ABI3BP: variants seen among roughly 807,000 people sequenced by gnomAD.
ABI3BP encodes the protein target of Nesh-SH3.
Under a neutral mutation model 268.6 loss-of-function variants are expected in ABI3BP, and 216 were observed. The ratio of observed to expected loss-of-function variants is 0.80; its 90% CI spans 0.72 to 0.90. The LOEUF (loss-of-function observed/expected upper bound fraction) is 0.90, where lower values mean the gene tolerates loss of function less well. ABI3BP is among the 40% of genes least tolerant of loss of function. The probability of loss-of-function intolerance (pLI) is 0.00; values close to 1 mark genes in which losing one functional copy is unlikely to be tolerated. For synonymous variants in ABI3BP, 730 were observed against 730.0 expected (o/e 1.00, Z 0.00); for missense variants, 2,090 against 2,182.4 (o/e 0.96, Z 0.84).
intron 66 of ABI3BP, among the ~76,000 whole-genome samples, chr3:100,752,080 G>A (rs2095363073): frequency 6.6e-6 from 1 of 152,144 alleles, no homozygotes. Context: ...CCTTTGTGTG[G>A]TTAGTTCCTT....
Position 100,794,839 on chromosome 3 carries a change from T to A in ABI3BP, c.3946+84A>T. On this transcript the variant is annotated intron_variant, in intron 54 of 67. Transcript: ENST00000471714. ...AATAACCTATTATTTAGAAAAAATCTGTGAACATAATGTATTATGGTTACT... is the reference window on the plus strand; with the variant it reads ...AATAACCTATTATTTAGAAAAAATCAGTGAACATAATGTATTATGGTTACT... The A allele has an allele frequency of 3.1e-6, 3 of 979,360 alleles. No homozygotes were observed. The South Asian group carries it at 4.5e-5, about 15-fold the overall frequency. 60.7% of individuals were successfully genotyped at this position (979,360 alleles called of 1,614,324 possible). A position where few individuals can be genotyped will look rare whatever the true frequency, so the allele number is the denominator to read the frequency against.
Position 100,923,057 on chromosome 3 carries a change from T to C in ABI3BP, c.259+3245A>G, listed in dbSNP as rs1583512375. ...GGAAATATGTACGAGGAATGTTTTTTCATTTCCACTAGAATACTAGAAGAG... is the reference window on the plus strand; with the variant it reads ...GGAAATATGTACGAGGAATGTTTTTCCATTTCCACTAGAATACTAGAAGAG... On this transcript the variant is annotated intron_variant, in intron 2 of 67. Transcript: ENST00000471714. Among the ~76,000 whole-genome samples, 4 of 152,232 alleles carry C rather than the reference T, an allele frequency of 2.6e-5. No individual in the cohort carries two copies. The South Asian group carries it at 8.3e-4, about 32-fold the overall frequency.
intron 6 of ABI3BP, among the ~76,000 whole-genome samples, chr3:100,877,233 TGCTAA>T (rs2099169363): frequency 6.6e-6 from 1 of 152,202 alleles, no homozygotes; most frequent in Admixed American, 6.6e-5. Flanking sequence ...CTCAAAAAGA[TGCTAA>T]GCTACCTATT....
chr3:100,848,337 T>C (rs2098798347), intron 18 of ABI3BP, among the ~76,000 whole-genome samples: 1 of 152,248 alleles, frequency 6.6e-6, no homozygotes, highest in African/African-American at 2.4e-5. Context: ...TCTAGGTTTT[T>C]ACCAAAATTC....
chr3:100,813,506 C>T (rs1022015721), intron 45 of ABI3BP, among the ~76,000 whole-genome samples, 155 bp downstream of exon 45: 1 of 152,036 alleles, frequency 6.6e-6, no homozygotes, highest in Non-Finnish European at 1.5e-5. Flanking sequence ...ACTAATTTAA[C>T]AATATGGAAT....
intron 1 of ABI3BP, among the ~76,000 whole-genome samples, chr3:100,963,041 C>T (rs2079714251): frequency 6.6e-6 from 1 of 152,174 alleles, no homozygotes; most frequent in Non-Finnish European, 1.5e-5. Flanking sequence ...AACCATCACT[C>T]ATGTAGTGAT....
chr3:100,750,405 G>T lies in ABI3BP; in HGVS notation c.*90C>A. ...ATTAGATTGTAGACTTTTATACATA[G>T]TAAACAAAATAGCTTTAAATGAATG... On this transcript the variant is annotated 3_prime_UTR_variant, in exon 68 of 68. Transcript: ENST00000471714. The T allele has an allele frequency of 1.0e-6, 1 of 986,964 alleles. No homozygotes were observed. The highest frequency in any genetic ancestry group is 1.5e-6 in the Non-Finnish European group (1 of 649,488). 61.1% of individuals were successfully genotyped at this position (986,964 alleles called of 1,614,324 possible).
intron 21 of ABI3BP, among the ~76,000 whole-genome samples, chr3:100,841,194 CTTTTTTTTTTTTTTTTTT>C (rs60261694): frequency 2.5e-5 from 1 of 39,606 alleles, no homozygotes; most frequent in Non-Finnish European, 4.3e-5. Flanking sequence ...CATTAGAACA[CTTTTTTTTTTTTTTTTTT>C]TTTTTTTTTT....
In ABI3BP at chr3:100,885,579, AC is replaced by A. The variant is rs1480343084; in HGVS notation, c.652del (p.Val218Ter). Reference sequence around the variant, plus strand: ...ATAGGTACTTTGGATTTTCCCATTTACTTTTTTACCTGATGAAACAAGGGAA... The same window carrying A: ...ATAGGTACTTTGGATTTTCCCATTTATTTTTTACCTGATGAAACAAGGGAA... ...NHKTVVGSKK[V>X]NGKIQSTYDQ... On this transcript the variant is annotated frameshift_variant, in exon 6 of 68. Transcript: ENST00000471714. LOFTEE classifies it high-confidence loss of function. The A allele has an allele frequency of 6.4e-7, 1 of 1,554,124 alleles. No individual in the cohort carries two copies. The highest frequency in any genetic ancestry group is 8.7e-7 in the Non-Finnish European group (1 of 1,143,504).
chr3:100,772,029 T>C (rs1319757377), intron 61 of ABI3BP, among the ~76,000 whole-genome samples: 4 of 152,146 alleles, frequency 2.6e-5, no homozygotes, highest in Non-Finnish European at 5.9e-5. Context: ...ACATGTTGTA[T>C]ACAGAACAAC....
chr3:100,896,086 G>A (rs1452926965), intron 4 of ABI3BP, among the ~76,000 whole-genome samples: 1 of 152,060 alleles, frequency 6.6e-6, no homozygotes, highest in Non-Finnish European at 1.5e-5. Context: ...TCCCTACTTT[G>A]GTCAAGAATA....
chr3:100,876,482 C>A, intron 7 of ABI3BP, 30 bp downstream of exon 7: 1 of 1,595,548 alleles, frequency 6.3e-7, no homozygotes, highest in South Asian at 1.1e-5. Context: ...AAAGATTGCT[C>A]TAAACACATT....
Position 100,885,540 on chromosome 3 carries a change from G to T in ABI3BP, c.692C>A (p.Thr231Lys). The T allele has an allele frequency of 6.5e-7, 1 of 1,546,340 alleles. No homozygotes were observed. Among genetic ancestry groups the T allele is most frequent in the Non-Finnish European group, 8.8e-7 (1 of 1,140,158 alleles). ...TGAAAATAAACTGTTACATACCACT[G>T]TGTGGTCTTGGTCATAGGTACTTTG... ...KIQSTYDQDH[T>K]VPAYVPRKLI... The change falls in exon 6 of 68, where the codon ACA becomes AAA. Residue 231 changes from threonine (T) to lysine (K), a missense_variant. By Grantham distance (78) the Thr-to-Lys change is moderately conservative. Coordinates refer to ENST00000471714, the MANE Select transcript of ABI3BP (RefSeq NM_001375547.2).
At chr3:100,795,199 A>T (rs1388702239) in intron 53 of ABI3BP, among the ~76,000 whole-genome samples, 196 bp from the exon 54 acceptor site, 2 of 152,058 alleles carry the variant, frequency 1.3e-5, no homozygotes, top group East Asian at 1.9e-4. Flanking sequence ...CAGGACACAT[A>T]CTACATGACA....
intron 1 of ABI3BP, among the ~76,000 whole-genome samples, chr3:100,953,594 A>C (rs1257111823): frequency 1.4e-5 from 2 of 139,278 alleles, no homozygotes; most frequent in East Asian, 2.2e-4. Context: ...TACTGTTAGA[A>C]ACACTTCTCG....
intron 2 of ABI3BP, among the ~76,000 whole-genome samples, chr3:100,917,972 C>T (rs1194530938): frequency 1.3e-5 from 2 of 151,992 alleles, no homozygotes; most frequent in African/African-American, 2.4e-5. Context: ...GAAATTGATA[C>T]CTATTAGGCG....
intron 1 of ABI3BP, among the ~76,000 whole-genome samples, chr3:100,933,352 A>G (rs1419350733): frequency 1.3e-5 from 2 of 151,876 alleles, no homozygotes; most frequent in East Asian, 3.9e-4. Context: ...TTAAACACAT[A>G]ACCCTATTCT....
At chr3:100,873,031 C>T (rs1275278161) in intron 9 of ABI3BP, among the ~76,000 whole-genome samples, 1 of 152,102 alleles carries the variant, frequency 6.6e-6, no homozygotes, top group Non-Finnish European at 1.5e-5. Flanking sequence ...CAGTTAAGTG[C>T]TTTTCTACCA....
At chr3:100,767,086 C>T (rs2096307038) in intron 62 of ABI3BP, among the ~76,000 whole-genome samples, 1 of 152,118 alleles carries the variant, frequency 6.6e-6, no homozygotes, top group South Asian at 2.1e-4. Flanking sequence ...CCTCAGCCTC[C>T]CGAGTAGCGC....
Sources: allele counts gnomAD v4.1 joint callset (sites outside exome capture counted in the v4.1 genomes callset), GRCh38; gene constraint gnomAD v4.1.1; transcripts MANE v1.5; gene names NCBI Gene and HGNC (gene_info 2026-07-23, HGNC 2026-07-21).